MACROD2: variants seen among roughly 807,000 people sequenced by gnomAD.
MACROD2 encodes the protein ADP-ribose glycohydrolase MACROD2.
Under a neutral mutation model 70.4 loss-of-function variants are expected in MACROD2, and 36 were observed. The observed-to-expected ratio is 0.51, with a 90% CI of 0.39 to 0.68. The LOEUF (loss-of-function observed/expected upper bound fraction) is 0.68, where lower values mean the gene tolerates loss of function less well. Ranked by LOEUF, MACROD2 falls within the 30% of genes least tolerant of loss-of-function variation. The probability of loss-of-function intolerance (pLI) is 0.00; values close to 1 mark genes in which losing one functional copy is unlikely to be tolerated. For synonymous variants in MACROD2, 172 were observed against 178.8 expected (o/e 0.96, Z 0.30); for missense variants, 496 against 538.4 (o/e 0.92, Z 0.78).
chr20:14,287,678 A>G (rs1216305863), intron 3 of MACROD2, among the ~76,000 whole-genome samples: 2 of 152,184 alleles, frequency 1.3e-5, no homozygotes, highest in African/African-American at 2.4e-5. Context: ...CAAGGCTGCA[A>G]TCAAGGTTTG....
chr20:14,972,201 A>C (rs954420008), intron 5 of MACROD2, among the ~76,000 whole-genome samples: 1 of 152,134 alleles, frequency 6.6e-6, no homozygotes, highest in Non-Finnish European at 1.5e-5. Context: ...TGCTCTTTCT[A>C]CTCAATTCTA....
intron 3 of MACROD2, among the ~76,000 whole-genome samples, chr20:14,206,657 T>C (rs2081526194): frequency 7.1e-6 from 1 of 140,646 alleles, no homozygotes; most frequent in Non-Finnish European, 1.6e-5. Context: ...CCCATGAGGC[T>C]TTTTTTTTTT....
chr20:14,940,359 C>T (rs760384590), intron 5 of MACROD2, among the ~76,000 whole-genome samples: 30 of 151,970 alleles, frequency 2.0e-4, no homozygotes, highest in East Asian at 5.8e-4. Context: ...CAATCATACA[C>T]GCAAACACAA....
chr20:15,143,867 T>A (rs949104582), intron 5 of MACROD2, among the ~76,000 whole-genome samples: 1 of 151,300 alleles, frequency 6.6e-6, no homozygotes. Flanking sequence ...TTCAATCTTT[T>A]GGCTTCCCTG....
chr20:15,857,980 G>A (rs2064376824), intron 8 of MACROD2, among the ~76,000 whole-genome samples: 1 of 152,200 alleles, frequency 6.6e-6, no homozygotes, highest in East Asian at 1.9e-4. Context: ...CCACTCAAGA[G>A]GTTTGCTTGA....
chr20:15,895,584 A>AT (rs1042019165), intron 10 of MACROD2, among the ~76,000 whole-genome samples: 6 of 152,254 alleles, frequency 3.9e-5, no homozygotes, highest in Non-Finnish European at 7.3e-5. Context: ...GAGCCCCAGA[A>AT]TCACTGAAAG....
intron 4 of MACROD2, among the ~76,000 whole-genome samples, chr20:14,684,222 G>A (rs762761033): frequency 3.3e-5 from 5 of 152,170 alleles, no homozygotes; most frequent in Non-Finnish European, 4.4e-5. Flanking sequence ...CTACCCTTGC[G>A]CAGCACCCAG....
At position 14,608,867 on chromosome 20, in the gene MACROD2, C is replaced by T. The variant is rs544509440; in HGVS notation, c.302-75976C>T. Among the ~76,000 whole-genome samples the T allele has an allele frequency of 3.3e-5, 5 of 151,928 alleles. No individual in the cohort carries two copies. In the East Asian group the frequency reaches 9.7e-4, roughly 29 times the overall value. The stretch of plus-strand genomic sequence containing the variant: ...TTTCTCTAAGGAGGTAGGATTAGAG[C>T]TGAGAAAGAGACAGATCTAAGGGAT... On this transcript the variant is annotated intron_variant, in intron 4 of 17. Transcript: ENST00000684519.
chr20:14,211,069 C>A (rs1442375516), intron 3 of MACROD2, among the ~76,000 whole-genome samples: 1 of 152,120 alleles, frequency 6.6e-6, no homozygotes, highest in Non-Finnish European at 1.5e-5. Flanking sequence ...ACATTCATAC[C>A]AGATTGCATG....
At chr20:15,660,189 G>A (rs900286650) in intron 8 of MACROD2, among the ~76,000 whole-genome samples, 1 of 152,068 alleles carries the variant, frequency 6.6e-6, no homozygotes, top group Non-Finnish European at 1.5e-5. Flanking sequence ...AGCTACCAAA[G>A]TGATGTGCTT....
intron 5 of MACROD2, among the ~76,000 whole-genome samples, chr20:15,116,346 T>C (rs758649443): frequency 1.5e-4 from 23 of 152,016 alleles, no homozygotes; most frequent in Non-Finnish European, 2.9e-4. Context: ...ACTTCCACTT[T>C]AGAAATTGTA....
intron 3 of MACROD2, among the ~76,000 whole-genome samples, chr20:14,134,909 A>G (rs746407959): frequency 4.6e-5 from 7 of 151,986 alleles, no homozygotes; most frequent in Non-Finnish European, 7.4e-5. Flanking sequence ...ACTTATAACC[A>G]TGAAGCTATT....
intron 5 of MACROD2, among the ~76,000 whole-genome samples, chr20:15,018,299 G>C (rs967379316): frequency 3.3e-5 from 5 of 152,142 alleles, no homozygotes; most frequent in African/African-American, 9.7e-5. Context: ...AACATAACAA[G>C]AGTCACCTTT....
intron 7 of MACROD2, among the ~76,000 whole-genome samples, chr20:15,475,523 A>G (rs1330271039): frequency 6.6e-6 from 1 of 152,202 alleles, no homozygotes; most frequent in Non-Finnish European, 1.5e-5. Context: ...CAGCCTATGG[A>G]GGGTGAAAAC....
At chr20:15,670,983 T>G (rs1388804476) in intron 8 of MACROD2, among the ~76,000 whole-genome samples, 2 of 152,236 alleles carry the variant, frequency 1.3e-5, no homozygotes, top group Non-Finnish European at 2.9e-5. Flanking sequence ...AGCTAGTTTT[T>G]GCTGTATAAC....
chr20:14,342,920 C>T (rs1030257836), intron 3 of MACROD2, among the ~76,000 whole-genome samples: 8 of 152,024 alleles, frequency 5.3e-5, no homozygotes, highest in Non-Finnish European at 1.0e-4. Flanking sequence ...TTTTCCCCAA[C>T]ACTCATGTTG....
intron 13 of MACROD2, among the ~76,000 whole-genome samples, chr20:15,974,793 T>C (rs1021796019): frequency 2.0e-5 from 3 of 152,194 alleles, no homozygotes; most frequent in African/African-American, 4.8e-5. Context: ...GGCTGTTTTT[T>C]TAACTGTGAG....
chr20:15,223,618 A>G (rs1241214434), intron 5 of MACROD2, among the ~76,000 whole-genome samples: 1 of 152,216 alleles, frequency 6.6e-6, no homozygotes, highest in East Asian at 1.9e-4. Context: ...ACTGATTGAG[A>G]TAATAGGTCT....
chr20:14,583,318 A>G (rs1981164453), intron 4 of MACROD2, among the ~76,000 whole-genome samples: 1 of 152,150 alleles, frequency 6.6e-6, no homozygotes, highest in African/African-American at 2.4e-5. Context: ...AAAGACCACC[A>G]TCAATCATCA....
Sources: allele counts gnomAD v4.1 joint callset (sites outside exome capture counted in the v4.1 genomes callset), GRCh38; gene constraint gnomAD v4.1.1; transcripts MANE v1.5; gene names NCBI Gene and HGNC (gene_info 2026-07-23, HGNC 2026-07-21).